The following RALY variants were observed in gnomAD, a reference collection of about 807,000 sequenced individuals.
RALY encodes RNA-binding protein Raly.
A neutral mutation model predicts 30.7 loss-of-function variants in RALY; 15 were observed. The ratio of observed to expected loss-of-function variants is 0.49; its 90% CI spans 0.33 to 0.75. RALY has a LOEUF of 0.75. RALY is among the 30% of genes least tolerant of loss of function. The pLI is 0.02. For synonymous variants in RALY, 177 were observed against 170.8 expected (o/e 1.04, Z -0.28); for missense variants, 339 against 414.3 (o/e 0.82, Z 1.58).
intron 2 of RALY, among the ~76,000 whole-genome samples, chr20:34,050,379 G>A (rs2033035573): frequency 6.6e-6 from 1 of 152,252 alleles, no homozygotes; most frequent in Non-Finnish European, 1.5e-5. Context: ...TCTTGGTCTA[G>A]TGCCTTACTT....
In RALY at chr20:34,035,177, A is replaced by C. The variant is rs1015471118; in HGVS notation, c.-10+3573A>C. Among the ~76,000 whole-genome samples the C allele has an allele frequency of 5.6e-5, 8 of 141,738 alleles. No homozygotes were observed. The East Asian group carries it at 5.8e-4, about 10-fold the overall frequency. The allele number at this position is 141,738 out of a possible 152,430, so 93.0% of individuals were successfully genotyped here. On this transcript the variant is annotated intron_variant, in intron 2 of 9. Transcript: ENST00000246194. ...CAAAAAAAAAAAAAAAAAAAAAAAA[A>C]AAAAAAAAAACAGTCTGGAGGCCAC...
chr20:34,030,963 C>G (rs1193891474), intron 1 of RALY, among the ~76,000 whole-genome samples: 1 of 152,028 alleles, frequency 6.6e-6, no homozygotes, highest in Admixed American at 6.6e-5. Context: ...AGACTTCACC[C>G]TTACCTTTTG....
chr20:34,076,180 C>T, intron 6 of RALY, 140 bp downstream of exon 6: 1 of 1,102,330 alleles, frequency 9.1e-7, no homozygotes, highest in Non-Finnish European at 1.3e-6. Context: ...CAAGTATTTT[C>T]ATGCATTTCT....
Position 34,049,418 on chromosome 20 carries a change from C to T in RALY, c.-10+17814C>T, listed in dbSNP as rs139114607. Among the ~76,000 whole-genome samples the T allele has an allele frequency of 1.3e-3, 200 of 152,158 alleles. 1 individual carries two copies. In the East Asian group the frequency reaches 0.034, roughly 26 times the overall value. ...CAAAAATGTGTAAGATGTATGTAGT[C>T]CCCTCCCTCAGAGATCTGTCAGTTT... On this transcript the variant is annotated intron_variant, in intron 2 of 9. Coordinates refer to ENST00000246194, the MANE Select transcript of RALY (RefSeq NM_016732.3).
chr20:34,084,110 TGTAA>T lies in RALY; in HGVS notation c.*4206_*4209del, dbSNP rs1246251544. On this transcript the variant is annotated 3_prime_UTR_variant, in exon 10 of 10. Transcript: ENST00000246194. ...GGAGGAAGTTTATTGGCTCACAAAT[TGTAA>T]AGTCCAGGGATCTTCAGACATGGGG... 1.3e-5 allele frequency: 2 copies of T among 152,160 alleles called. No individual in the cohort carries two copies. Among genetic ancestry groups the T allele is most frequent in the Non-Finnish European group, 2.9e-5 (2 of 68,036 alleles). 9.4% of individuals were successfully genotyped at this position (152,160 alleles called of 1,614,324 possible).
intron 1 of RALY, among the ~76,000 whole-genome samples, chr20:33,999,826 C>T (rs1266234166): frequency 6.6e-6 from 1 of 151,708 alleles, no homozygotes; most frequent in Admixed American, 6.6e-5. Context: ...TCAGGAGACC[C>T]CACTGTGTGC....
intron 1 of RALY, among the ~76,000 whole-genome samples, chr20:33,997,530 G>A (rs545441416): frequency 6.6e-6 from 1 of 152,272 alleles, no homozygotes; most frequent in East Asian, 1.9e-4. Context: ...GAATAACAGT[G>A]CAGTGACAGC....
chr20:34,025,902 T>G (rs796272089), intron 1 of RALY, among the ~76,000 whole-genome samples: 137 of 139,638 alleles, frequency 9.8e-4, no homozygotes, highest in African/African-American at 3.2e-3. Flanking sequence ...CCTGGTTGTT[T>G]TTTTTTTTTT....
At chr20:34,012,997 A>T (rs1237761809) in intron 1 of RALY, among the ~76,000 whole-genome samples, 1 of 152,186 alleles carries the variant, frequency 6.6e-6, no homozygotes, top group African/African-American at 2.4e-5. Context: ...TACTTGGACT[A>T]CTCATACAGC....
intron 9 of RALY, 31 bp downstream of exon 9, chr20:34,078,584 G>T: frequency 6.6e-7 from 1 of 1,520,234 alleles, no homozygotes; most frequent in African/African-American, 1.4e-5. Context: ...TGGGCAGAGG[G>T]TGGGGAATCA....
intron 1 of RALY, among the ~76,000 whole-genome samples, chr20:34,027,476 T>A (rs142768733): frequency 2.0e-5 from 3 of 152,338 alleles, no homozygotes; most frequent in Admixed American, 2.0e-4. Flanking sequence ...AATCTTTGCT[T>A]CTTCTGTGAA....
At chr20:34,037,232 A>T (rs763004490) in intron 2 of RALY, among the ~76,000 whole-genome samples, 17 of 152,154 alleles carry the variant, frequency 1.1e-4, no homozygotes, top group Non-Finnish European at 2.5e-4. Flanking sequence ...CTAGGGCTAG[A>T]CCCATAGTGC....
rs573022502 is a variant in RALY at position 34,043,703 on chromosome 20, G to A, written c.-10+12099G>A. ...GGAATATTAGAGAAACCATCTTTGG[G>A]ACAGTATGAAGGTTAGGAAGGATTC... On this transcript the variant is annotated intron_variant, in intron 2 of 9. Coordinates refer to ENST00000246194, the MANE Select transcript of RALY (RefSeq NM_016732.3). Among the ~76,000 whole-genome samples the A allele has an allele frequency of 3.9e-5, 6 of 152,306 alleles. No homozygotes were observed. In the South Asian group the frequency reaches 1.2e-3, roughly 32 times the overall value.
intron 2 of RALY, among the ~76,000 whole-genome samples, chr20:34,052,310 T>C (rs2123178487): frequency 6.6e-6 from 1 of 152,318 alleles, no homozygotes; most frequent in East Asian, 1.9e-4. Flanking sequence ...ATTAACATCT[T>C]GAGGAACCCT....
intron 2 of RALY, among the ~76,000 whole-genome samples, chr20:34,040,517 C>T (rs575047743): frequency 1.3e-5 from 2 of 152,290 alleles, no homozygotes; most frequent in South Asian, 4.1e-4. Flanking sequence ...TCAGCCTATT[C>T]CCATTCCGAG....
intron 5 of RALY, among the ~76,000 whole-genome samples, chr20:34,075,151 C>G (rs576242721): frequency 3.0e-4 from 45 of 152,068 alleles, no homozygotes; most frequent in Admixed American, 9.2e-4. Context: ...ATTGAGCTGC[C>G]CAACCTTGAT....
At chr20:33,995,452 A>G (rs1324334599) in intron 1 of RALY, among the ~76,000 whole-genome samples, 2 of 152,200 alleles carry the variant, frequency 1.3e-5, no homozygotes, top group Admixed American at 1.3e-4. Flanking sequence ...CCTTCAAACA[A>G]ATATTACTCC....
At chr20:34,024,783 C>T (rs1262897251) in intron 1 of RALY, among the ~76,000 whole-genome samples, 1 of 152,156 alleles carries the variant, frequency 6.6e-6, no homozygotes. Context: ...TTTACCCCCA[C>T]AGCAACACAG....
intron 3 of RALY, among the ~76,000 whole-genome samples, chr20:34,072,929 AGT>A (rs3835232): frequency 0.092 from 13,758 of 148,936 alleles, 679 homozygotes; most frequent in Middle Eastern, 0.12. Context: ...GTATAGATGT[AGT>A]GTGTGTGTGT....
Sources: allele counts gnomAD v4.1 joint callset (sites outside exome capture counted in the v4.1 genomes callset), GRCh38; gene constraint gnomAD v4.1.1; transcripts MANE v1.5; gene names NCBI Gene and HGNC (gene_info 2026-07-23, HGNC 2026-07-21).